Variants in FOXP1 observed in about 807,000 individuals in gnomAD.
The protein encoded by FOXP1 is forkhead box protein P1.
In FOXP1, 15 loss-of-function variants were observed where a neutral mutation model predicts 98.2. That is an observed-to-expected ratio of 0.15 (90% CI 0.10 to 0.24). The LOEUF is 0.24. Among genes scored for constraint, FOXP1 ranks in the 10% least tolerant of loss-of-function variants. FOXP1 has a pLI of 1.00. For synonymous variants in FOXP1, 371 were observed against 314.5 expected, an observed-to-expected ratio of 1.18 and a Z score of -1.90; for missense variants, 633 against 848.5, an observed-to-expected ratio of 0.75 and a Z score of 3.15.
At chr3:71,013,554 C>T (rs916916399) in intron 12 of FOXP1, among the ~76,000 whole-genome samples, 1 of 152,062 alleles carries the variant, frequency 6.6e-6, no homozygotes, top group African/African-American at 2.4e-5. Flanking sequence ...GAATCAGTAT[C>T]GTGAAAATGG....
At chr3:71,542,183 GT>G (rs1170723826) in intron 2 of FOXP1, 3 of 393,410 alleles carry the variant, frequency 7.6e-6, no homozygotes, top group Non-Finnish European at 1.5e-5. Context: ...CACCCTTAAT[GT>G]TTTTCATATG....
chr3:71,505,582 C>T (rs1344876761), intron 2 of FOXP1, among the ~76,000 whole-genome samples: 2 of 152,134 alleles, frequency 1.3e-5, no homozygotes, highest in Non-Finnish European at 2.9e-5. Context: ...CTTGCCGCCA[C>T]GCCCGGCTAA....
At chr3:71,194,010 T>C (rs2063156205) in intron 6 of FOXP1, among the ~76,000 whole-genome samples, 1 of 152,182 alleles carries the variant, frequency 6.6e-6, no homozygotes, top group Admixed American at 6.5e-5. Flanking sequence ...CTCACTGTCT[T>C]CTGGGCCACA....
At chr3:71,068,011 TATAAA>T (rs1364004436) in intron 7 of FOXP1, among the ~76,000 whole-genome samples, 1 of 141,816 alleles carries the variant, frequency 7.1e-6, no homozygotes, top group Non-Finnish European at 1.5e-5. Context: ...GCCATAATAA[TATAAA>T]ATGAATACCT....
chr3:71,448,987 A>G (rs1435710922), intron 3 of FOXP1, among the ~76,000 whole-genome samples: 1 of 152,236 alleles, frequency 6.6e-6, no homozygotes, highest in African/African-American at 2.4e-5. Context: ...ATCAAAGAAC[A>G]AAATGCGTGT....
intron 6 of FOXP1, among the ~76,000 whole-genome samples, chr3:71,147,738 T>C (rs1241345615): frequency 1.3e-5 from 2 of 152,162 alleles, no homozygotes; most frequent in African/African-American, 2.4e-5. Flanking sequence ...AATGAATAAA[T>C]GATCATACCA....
At chr3:71,106,603 C>T (rs372992150) in intron 7 of FOXP1, among the ~76,000 whole-genome samples, 1,603 of 150,898 alleles carry the variant, frequency 0.011, 12 homozygotes, top group Non-Finnish European at 0.016. Context: ...GGGTTATAGG[C>T]GTGAGCCATT....
chr3:71,169,783 C>G (rs61308271), intron 6 of FOXP1, among the ~76,000 whole-genome samples: 6,137 of 82,934 alleles, frequency 0.074, 417 homozygotes, highest in African/African-American at 0.2. Context: ...AAATTACTGG[C>G]AAAAAAAAAA....
intron 3 of FOXP1, among the ~76,000 whole-genome samples, chr3:71,480,770 C>A (rs1440088772): frequency 6.6e-6 from 1 of 152,114 alleles, no homozygotes; most frequent in East Asian, 1.9e-4. Flanking sequence ...TCCCAAGGTA[C>A]CAAACCAGAG....
chr3:71,508,675 G>A (rs1285144558), intron 2 of FOXP1, among the ~76,000 whole-genome samples: 6 of 152,276 alleles, frequency 3.9e-5, no homozygotes, highest in Middle Eastern at 3.4e-3. Flanking sequence ...CCAAAACATC[G>A]TTAAGGCAAT....
At chr3:71,369,904 C>G (rs2079178837) in intron 3 of FOXP1, among the ~76,000 whole-genome samples, 1 of 152,092 alleles carries the variant, frequency 6.6e-6, no homozygotes, top group South Asian at 2.1e-4. Flanking sequence ...CTCCTGGAGC[C>G]CACATACTAC....
chr3:71,147,939 A>T (rs759691905), intron 6 of FOXP1, among the ~76,000 whole-genome samples: 1 of 152,256 alleles, frequency 6.6e-6, no homozygotes, highest in Non-Finnish European at 1.5e-5. Flanking sequence ...CAGCATAGCA[A>T]AGACAAAAGA....
intron 5 of FOXP1, among the ~76,000 whole-genome samples, chr3:71,262,830 A>G (rs1298993955): frequency 1.3e-5 from 2 of 152,158 alleles, no homozygotes; most frequent in Non-Finnish European, 2.9e-5. Context: ...AAACCTTTCA[A>G]GTGTTCTCTC....
intron 2 of FOXP1, among the ~76,000 whole-genome samples, chr3:71,494,895 G>A (rs1377372096): frequency 6.8e-6 from 1 of 147,702 alleles, no homozygotes; most frequent in Non-Finnish European, 1.5e-5. Flanking sequence ...GCTCCCTAAA[G>A]CCATGAAGTC....
At chr3:71,539,687 T>C (rs1246900702) in intron 2 of FOXP1, among the ~76,000 whole-genome samples, 1 of 152,230 alleles carries the variant, frequency 6.6e-6, no homozygotes, top group African/African-American at 2.4e-5. Context: ...ATGAGTTTTA[T>C]ACTTCTTTTA....
At chr3:71,303,130 C>T (rs944218507) in intron 4 of FOXP1, among the ~76,000 whole-genome samples, 1 of 151,668 alleles carries the variant, frequency 6.6e-6, no homozygotes, top group Non-Finnish European at 1.5e-5. Flanking sequence ...TCTTTTTTTC[C>T]CCATTTATAG....
intron 5 of FOXP1, among the ~76,000 whole-genome samples, chr3:71,269,104 T>G (rs1428718565): frequency 3.3e-5 from 5 of 151,110 alleles, no homozygotes; most frequent in Non-Finnish European, 5.9e-5. Context: ...TTTTGTTTTT[T>G]TTTTTTTTCA....
intron 13 of FOXP1, among the ~76,000 whole-genome samples, chr3:71,000,117 T>A (rs996967008): frequency 1.3e-5 from 2 of 152,076 alleles, no homozygotes; most frequent in African/African-American, 4.8e-5. Context: ...CTATTAATTA[T>A]ACCAAGAATG....
chr3:71,107,830 A>G lies in FOXP1; in HGVS notation c.282+4706T>C, dbSNP rs944531119. On this transcript the variant is annotated intron_variant, in intron 7 of 20. Transcript: ENST00000649528. ...TATATGCGGCATTAATGCAAAGCAAAATGCTGCCTAAAGCATGTTTTATAT... is the reference window on the plus strand; with the variant it reads ...TATATGCGGCATTAATGCAAAGCAAGATGCTGCCTAAAGCATGTTTTATAT... 2.6e-5 allele frequency among the ~76,000 whole-genome samples: 4 copies of G among 152,338 alleles called. No homozygotes were observed. In the South Asian group the frequency reaches 8.3e-4, roughly 32 times the overall value.
Sources: allele counts gnomAD v4.1 joint callset (sites outside exome capture counted in the v4.1 genomes callset), GRCh38; gene constraint gnomAD v4.1.1; transcripts MANE v1.5; gene names NCBI Gene and HGNC (gene_info 2026-07-23, HGNC 2026-07-21).